SRRM4: variants seen among roughly 807,000 people sequenced by gnomAD.
The protein encoded by SRRM4 is serine/arginine repetitive matrix 4.
Under a neutral mutation model 68.9 loss-of-function variants are expected in SRRM4, and 33 were observed. The observed-to-expected ratio is 0.48, with a 90% confidence interval of 0.36 to 0.64. The LOEUF is 0.64. Among genes scored for constraint, SRRM4 ranks in the 30% least tolerant of loss-of-function variants. The pLI is 0.00. For synonymous variants in SRRM4, 318 were observed against 318.8 expected (o/e 1.00, Z 0.03); for missense variants, 817 against 827.1 (o/e 0.99, Z 0.15).
chr12:119,080,870 T>C (rs940351537), intron 1 of SRRM4, among the ~76,000 whole-genome samples: 11 of 152,230 alleles, frequency 7.2e-5, no homozygotes, highest in African/African-American at 2.7e-4. Flanking sequence ...AGGTGATGTT[T>C]ACATACATAA....
At chr12:119,122,377 G>T (rs888229782) in intron 6 of SRRM4, among the ~76,000 whole-genome samples, 5 of 151,980 alleles carry the variant, frequency 3.3e-5, no homozygotes, top group Non-Finnish European at 7.4e-5. Flanking sequence ...TGCGTGTGTT[G>T]TAGGTTTAGG....
intron 2 of SRRM4, among the ~76,000 whole-genome samples, chr12:119,110,010 G>A (rs1312779144): frequency 1.3e-5 from 2 of 152,152 alleles, no homozygotes; most frequent in Non-Finnish European, 2.9e-5. Flanking sequence ...TTTTGGTGTG[G>A]ATGTCCTTTC....
chr12:119,045,457 C>A (rs542275722), intron 1 of SRRM4, among the ~76,000 whole-genome samples: 5 of 151,620 alleles, frequency 3.3e-5, no homozygotes, highest in Non-Finnish European at 7.4e-5. Context: ...CCCCCTATGC[C>A]CCACATTCCC....
At chr12:119,088,999 C>T (rs1456202146) in intron 1 of SRRM4, among the ~76,000 whole-genome samples, 2 of 152,120 alleles carry the variant, frequency 1.3e-5, no homozygotes, top group African/African-American at 2.4e-5. Context: ...GTGACTCGCC[C>T]GGGATCACAG....
At chr12:119,102,456 C>T in intron 2 of SRRM4, 74 bp downstream of exon 2, 2 of 1,207,196 alleles carry the variant, frequency 1.7e-6, no homozygotes, top group Non-Finnish European at 2.3e-6. Context: ...GCTCACCCCT[C>T]TCTTATGCAA....
chr12:119,069,372 G>C (rs1953864370), intron 1 of SRRM4, among the ~76,000 whole-genome samples: 1 of 152,192 alleles, frequency 6.6e-6, no homozygotes, highest in East Asian at 1.9e-4. Flanking sequence ...TGCCTTCCGT[G>C]ATTCTGAAGT....
intron 1 of SRRM4, among the ~76,000 whole-genome samples, chr12:119,057,465 A>G (rs1953783813): frequency 6.6e-6 from 1 of 152,144 alleles, no homozygotes; most frequent in Non-Finnish European, 1.5e-5. Flanking sequence ...CTGTTCCTGC[A>G]TTAGTTTGCT....
At chr12:118,989,015 T>C (rs1953299753) in intron 1 of SRRM4, among the ~76,000 whole-genome samples, 1 of 152,108 alleles carries the variant, frequency 6.6e-6, no homozygotes, top group Non-Finnish European at 1.5e-5. Context: ...TCAGTGTGGC[T>C]AGAGCAGAGT....
intron 1 of SRRM4, among the ~76,000 whole-genome samples, chr12:119,073,440 T>C (rs1053084144): frequency 6.6e-6 from 1 of 151,860 alleles, no homozygotes; most frequent in Non-Finnish European, 1.5e-5. Context: ...CGATTCTTCT[T>C]TCTGAGCCTC....
chr12:119,040,385 T>C (rs1406320720), intron 1 of SRRM4, among the ~76,000 whole-genome samples: 1 of 152,172 alleles, frequency 6.6e-6, no homozygotes, highest in Non-Finnish European at 1.5e-5. Context: ...AAGTCCATTG[T>C]ATCATTCTTA....
intron 6 of SRRM4, 74 bp from the exon 7 acceptor site, chr12:119,125,307 G>A (rs1178201435): frequency 7.2e-7 from 1 of 1,394,592 alleles, no homozygotes; most frequent in East Asian, 2.4e-5. Flanking sequence ...GGTGTCACAA[G>A]ATCAAATCTC....
intron 1 of SRRM4, among the ~76,000 whole-genome samples, chr12:119,039,583 C>T (rs879041984): frequency 1.2e-4 from 18 of 152,160 alleles, no homozygotes; most frequent in African/African-American, 3.9e-4. Flanking sequence ...TCCCCAGTTT[C>T]GTCACTGAAA....
chr12:118,998,705 A>T (rs1310614598), intron 1 of SRRM4, among the ~76,000 whole-genome samples: 1 of 152,258 alleles, frequency 6.6e-6, no homozygotes, highest in African/African-American at 2.4e-5. Context: ...ACCAGCTATG[A>T]TAATTACTGT....
intron 2 of SRRM4, among the ~76,000 whole-genome samples, chr12:119,113,749 G>A (rs1954159119): frequency 1.3e-5 from 2 of 152,128 alleles, no homozygotes; most frequent in Admixed American, 6.5e-5. Context: ...AATTGAACAG[G>A]AAATAATTAT....
chr12:119,129,919 G>GGATA (rs1226626621), intron 7 of SRRM4, among the ~76,000 whole-genome samples: 2 of 143,214 alleles, frequency 1.4e-5, no homozygotes, highest in Non-Finnish European at 3.1e-5. Context: ...ATGGATGGAT[G>GGATA]GTTAGATGGT....
intron 1 of SRRM4, among the ~76,000 whole-genome samples, chr12:119,080,646 T>G (rs1953942296): frequency 6.6e-6 from 1 of 152,194 alleles, no homozygotes; most frequent in South Asian, 2.1e-4. Flanking sequence ...GTTAAGTTCC[T>G]TAGTCAAAAT....
chr12:119,070,269 C>A (rs542399917), intron 1 of SRRM4, among the ~76,000 whole-genome samples: 4 of 151,020 alleles, frequency 2.6e-5, no homozygotes, highest in Admixed American at 6.6e-5. Flanking sequence ...AATGAACAGG[C>A]CTTTCAAGCA....
At chr12:118,983,633 A>C (rs1299520507) in intron 1 of SRRM4, among the ~76,000 whole-genome samples, 4 of 152,152 alleles carry the variant, frequency 2.6e-5, no homozygotes, top group Non-Finnish European at 4.4e-5. Flanking sequence ...AACTAGAAGT[A>C]TGGCATTTAG....
chr12:119,139,037 G>A (rs1211000196), intron 8 of SRRM4, among the ~76,000 whole-genome samples: 1 of 152,202 alleles, frequency 6.6e-6, no homozygotes. Context: ...GGGACAAAGA[G>A]CAGTTGCATG....
Sources: gnomAD v4.1 joint callset for allele counts (sites outside exome capture counted in the v4.1 genomes callset) on GRCh38, gnomAD v4.1.1 for gene constraint, MANE v1.5 for transcripts, NCBI Gene and HGNC (gene_info 2026-07-23, HGNC 2026-07-21) for gene names.